The following BIVM variants were observed in gnomAD, a reference collection of about 807,000 sequenced individuals.
BIVM encodes basic immunoglobulin-like variable motif-containing protein.
In BIVM, 31 loss-of-function variants were observed where a neutral mutation model predicts 61.4. The observed-to-expected ratio is 0.51, with a 90% confidence interval of 0.38 to 0.68. BIVM has a LOEUF of 0.68. BIVM is among the 30% of genes least tolerant of loss of function. BIVM has a pLI of 0.00. For missense variants in BIVM, 526 were observed against 596.0 expected, an observed-to-expected ratio of 0.88 and a Z score of 1.22; for synonymous variants, 189 against 210.7, an observed-to-expected ratio of 0.90 and a Z score of 0.89.
chr13:102,838,727 A>G lies in BIVM; in HGVS notation c.1206A>G (p.Arg402=). 3 of 1,611,866 alleles carry G rather than the reference A, an allele frequency of 1.9e-6. No individual in the cohort carries two copies. In the East Asian group the frequency reaches 6.7e-5, roughly 36 times the overall value. The part of the protein sequence containing the change: ...IRHLERGLQY[R]KTKKVGGNLH... ...ACTTAGAGAGGGGACTGCAGTATAGAAAAACAAAGAAGGTAAGAAGAACAC... is the reference window on the plus strand; with the variant it reads ...ACTTAGAGAGGGGACTGCAGTATAGGAAAACAAAGAAGGTAAGAAGAACAC... The change falls in exon 10 of 11, where the codon AGA becomes AGG. Residue 402 remains arginine (R), a synonymous_variant. Coordinates refer to ENST00000257336, the MANE Select transcript of BIVM (RefSeq NM_017693.4).
Position 102,839,930 on chromosome 13 carries a change from C to A in BIVM, c.*65C>A. 1 of 1,475,276 alleles carries A rather than the reference C, an allele frequency of 6.8e-7. No homozygotes were observed. Among genetic ancestry groups the A allele is most frequent in the Non-Finnish European group, 9.1e-7 (1 of 1,104,332 alleles). 91.4% of individuals were successfully genotyped at this position (1,475,276 alleles called of 1,614,324 possible). On this transcript the variant is annotated 3_prime_UTR_variant, in exon 11 of 11. Transcript: ENST00000257336. ...TGCTATATACAGGACTGTATAAAGACAGTAGAAGATTTTAGTAAGCCTACA... is the reference window on the plus strand; with the variant it reads ...TGCTATATACAGGACTGTATAAAGAAAGTAGAAGATTTTAGTAAGCCTACA...
At chr13:102,827,979 T>C (rs527763457) in intron 7 of BIVM, among the ~76,000 whole-genome samples, 1 of 152,222 alleles carries the variant, frequency 6.6e-6, no homozygotes. Flanking sequence ...AAAACACTTT[T>C]AAATCTATCT....
At chr13:102,800,194 A>G (rs1878652863) in intron 1 of BIVM, among the ~76,000 whole-genome samples, 1 of 152,198 alleles carries the variant, frequency 6.6e-6, no homozygotes, top group Admixed American at 6.5e-5. Context: ...TCGTTTACTC[A>G]AACAGTCGAA....
intron 1 of BIVM, among the ~76,000 whole-genome samples, chr13:102,803,158 TAAAA>T (rs35545376): frequency 1.6e-5 from 2 of 126,366 alleles, no homozygotes; most frequent in Non-Finnish European, 3.4e-5. Flanking sequence ...CCCTGTTTCT[TAAAA>T]AAAAAAAAAA....
At chr13:102,820,787 TC>T in intron 4 of BIVM, 1 of 400,658 alleles carries the variant, frequency 2.5e-6, no homozygotes, top group Non-Finnish European at 4.4e-6. Flanking sequence ...TTATTTTTTT[TC>T]CCATTGGTTT....
At chr13:102,816,607 GGCA>G in intron 4 of BIVM, 53 bp downstream of exon 4, 2 of 1,430,334 alleles carry the variant, frequency 1.4e-6, no homozygotes, top group East Asian at 2.7e-5. Context: ...AATATATGTT[GGCA>G]ATAACGTAGC....
At chr13:102,835,836 AT>A (rs1250944462) in intron 9 of BIVM, among the ~76,000 whole-genome samples, 1 of 152,118 alleles carries the variant, frequency 6.6e-6, no homozygotes. Context: ...CCTGGCTGGG[AT>A]TTGCCTGTTC....
At position 102,807,253 on chromosome 13, in the gene BIVM, T is replaced by G; in HGVS notation, c.-15T>G. On this transcript the variant is annotated 5_prime_UTR_variant, in exon 3 of 11. Transcript: ENST00000257336. The surrounding 1 kb of genome is among the most constrained non-coding windows in gnomAD (Gnocchi z 4.0). ...CAACTTGTTTCTAGTAATAGAAACTTTTACACTGCATTCAATGCCTAACGT... is the reference window on the plus strand; with the variant it reads ...CAACTTGTTTCTAGTAATAGAAACTGTTACACTGCATTCAATGCCTAACGT... The G allele has an allele frequency of 6.3e-7, 1 of 1,581,252 alleles. No homozygotes were observed. Among genetic ancestry groups the G allele is most frequent in the Non-Finnish European group, 8.6e-7 (1 of 1,162,528 alleles).
chr13:102,833,860 T>C (rs765044629), intron 8 of BIVM, among the ~76,000 whole-genome samples: 1 of 152,240 alleles, frequency 6.6e-6, no homozygotes, highest in Non-Finnish European at 1.5e-5. Context: ...GTATACTGTA[T>C]GTTTCTTTTA....
At position 102,829,967 on chromosome 13, in the gene BIVM, C is replaced by G. The variant is rs144440630; in HGVS notation, c.902-1598C>G. Reference sequence around the variant, plus strand: ...TTGTCCCACAGTAGGCTCCTCTATACCATCCTACCCTGTATTCTATAAACT... The same window carrying G: ...TTGTCCCACAGTAGGCTCCTCTATAGCATCCTACCCTGTATTCTATAAACT... On this transcript the variant is annotated intron_variant, in intron 7 of 10. Transcript: ENST00000257336. 1.6e-3 allele frequency among the ~76,000 whole-genome samples: 239 copies of G among 152,270 alleles called. 2 individuals are homozygous for G. The highest frequency in any genetic ancestry group is 0.013 in the East Asian group (67 of 5,192).
At chr13:102,804,404 G>C (rs1878929359) in intron 1 of BIVM, among the ~76,000 whole-genome samples, 1 of 152,160 alleles carries the variant, frequency 6.6e-6, no homozygotes, top group African/African-American at 2.4e-5. Context: ...TCCACCTCCT[G>C]GGTTCAGGCC....
intron 7 of BIVM, among the ~76,000 whole-genome samples, chr13:102,830,351 C>A (rs953149718): frequency 2.6e-5 from 4 of 152,186 alleles, no homozygotes; most frequent in African/African-American, 9.6e-5. Context: ...CTATGACTTG[C>A]AAGCTTTCAT....
chr13:102,822,066 TG>T lies in BIVM; in HGVS notation c.810del (p.Trp270CysfsTer11). On this transcript the variant is annotated frameshift_variant and splice_region_variant, in exon 7 of 11. Coordinates refer to ENST00000257336, the MANE Select transcript of BIVM (RefSeq NM_017693.4). LOFTEE classifies it high-confidence loss of function. ...PFTGNTTLMR[W>X]FRQINDHFHV... ...AACAAATCTTCTTGTTACTTTCAGGTGGTTTAGACAAATTAATGACCACTTC... is the reference window on the plus strand; with the variant it reads ...AACAAATCTTCTTGTTACTTTCAGGTGTTTAGACAAATTAATGACCACTTC... 1 of 1,613,430 alleles carries T rather than the reference TG, an allele frequency of 6.2e-7. No homozygotes were observed. The highest frequency in any genetic ancestry group is 8.5e-7 in the Non-Finnish European group (1 of 1,179,846).
chr13:102,829,364 T>C (rs1186675747), intron 7 of BIVM, among the ~76,000 whole-genome samples: 1 of 152,204 alleles, frequency 6.6e-6, no homozygotes, highest in African/African-American at 2.4e-5. Context: ...CCTTTCTCTA[T>C]GCCGTGCAGA....
At chr13:102,800,227 G>A (rs1878655841) in intron 1 of BIVM, among the ~76,000 whole-genome samples, 2 of 152,218 alleles carry the variant, frequency 1.3e-5, no homozygotes, top group South Asian at 4.1e-4. Flanking sequence ...CTCTTAGCCC[G>A]GATGCAGCAA....
At chr13:102,836,249 C>T (rs979838038) in intron 9 of BIVM, among the ~76,000 whole-genome samples, 1 of 152,234 alleles carries the variant, frequency 6.6e-6, no homozygotes, top group African/African-American at 2.4e-5. Context: ...TACCCCACGA[C>T]CTCAAAGATG....
intron 3 of BIVM, among the ~76,000 whole-genome samples, chr13:102,809,164 A>G (rs968879393): frequency 6.6e-6 from 1 of 152,194 alleles, no homozygotes; most frequent in African/African-American, 2.4e-5. Context: ...GAATACTCCA[A>G]ATTGCTAAGT....
Position 102,807,316 on chromosome 13 carries a change from G to A in BIVM, c.49G>A (p.Glu17Lys). Residue 17 changes from glutamate (E) to lysine (K), a missense_variant, in exon 3 of 11, where the codon GAG becomes AAG. Coordinates refer to ENST00000257336, the MANE Select transcript of BIVM (RefSeq NM_017693.4). The surrounding 1 kb of genome is among the most constrained non-coding windows in gnomAD (Gnocchi z 4.0). Reference protein sequence around the residue: ...TERSNDSGNGEHKSERKSPEE... With the variant: ...TERSNDSGNGKHKSERKSPEE... ...AAGGTCAAATGATTCTGGAAATGGTGAGCACAAATCTGAGAGAAAGTCACC... is the reference window on the plus strand; with the variant it reads ...AAGGTCAAATGATTCTGGAAATGGTAAGCACAAATCTGAGAGAAAGTCACC... 2.5e-5 allele frequency: 40 copies of A among 1,613,636 alleles called. No homozygotes were observed. Among genetic ancestry groups the A allele is most frequent in the Non-Finnish European group, 3.2e-5 (38 of 1,179,596 alleles).
rs2139185992 is a variant in BIVM, at chr13:102,816,483, T to C, written c.534T>C (p.Tyr178=). The C allele has an allele frequency of 6.3e-7, 1 of 1,594,594 alleles. No homozygotes were observed. The highest frequency in any genetic ancestry group is 8.5e-7 in the Non-Finnish European group (1 of 1,173,012). The part of the protein sequence containing the change: ...KRKTSDKKGR[Y]QKECPQHSPL... The stretch of plus-strand genomic sequence containing the variant: ...AAACTTCAGATAAAAAGGGAAGATA[T>C]CAGAAGGAATGTCCTCAGCATTCTC... The change falls in exon 4 of 11, where the codon TAT becomes TAC. Residue 178 remains tyrosine (Y), a synonymous_variant. Coordinates refer to ENST00000257336, the MANE Select transcript of BIVM (RefSeq NM_017693.4).
Sources: allele counts gnomAD v4.1 joint callset (sites outside exome capture counted in the v4.1 genomes callset), GRCh38; gene constraint gnomAD v4.1.1; non-coding constraint Gnocchi (gnomAD v3.1); transcripts MANE v1.5; gene names NCBI Gene and HGNC (gene_info 2026-07-23, HGNC 2026-07-21).